The following BCAS3 variants were observed in gnomAD, a reference collection of about 807,000 sequenced individuals.
BCAS3 encodes the protein BCAS4/BCAS3 fusion.
A neutral mutation model predicts 116.1 loss-of-function variants in BCAS3; 53 were observed. The ratio of observed to expected loss-of-function variants is 0.46; its 90% CI spans 0.37 to 0.57. BCAS3 has a LOEUF of 0.57. Among genes scored for constraint, BCAS3 ranks in the 20% least tolerant of loss-of-function variants. The pLI, the probability that BCAS3 is intolerant of heterozygous loss-of-function variation, is 0.00. For synonymous variants in BCAS3, 391 were observed against 408.2 expected (o/e 0.96, Z 0.51); for missense variants, 917 against 1,165.4 (o/e 0.79, Z 3.10).
rs908155271 is a variant in BCAS3, at chr17:61,309,466, C to T, written c.2426-58861C>T. Among the ~76,000 whole-genome samples the T allele has an allele frequency of 6.6e-6, 1 of 152,092 alleles. No homozygotes were observed. The highest frequency in any genetic ancestry group is 1.5e-5 in the Non-Finnish European group (1 of 68,028). ...CCACCGACAGGGGCATAACTGTGGA[C>T]CTAAAGTGGACATCAGAGGGGTCCC... On this transcript the variant is annotated intron_variant, in intron 22 of 23. Transcript: ENST00000407086. This position sits in a 1 kb window ranked among gnomAD's most constrained non-coding sequence, Gnocchi z 4.6.
At chr17:60,768,920 A>G (rs1462456598) in intron 6 of BCAS3, among the ~76,000 whole-genome samples, 3 of 152,182 alleles carry the variant, frequency 2.0e-5, no homozygotes, top group Non-Finnish European at 4.4e-5. Flanking sequence ...ATGAGTGGCA[A>G]TAGCAGGGGT....
intron 13 of BCAS3, among the ~76,000 whole-genome samples, chr17:60,932,767 A>AAAAAAT (rs2059724673): frequency 6.7e-6 from 1 of 148,802 alleles, no homozygotes; most frequent in Non-Finnish European, 1.5e-5. Flanking sequence ...AAAAAAAAAA[A>AAAAAAT]GAATCGTCTC....
In BCAS3 at chr17:61,249,966, G is replaced by A. The variant is rs567377738; in HGVS notation, c.2426-118361G>A. The stretch of plus-strand genomic sequence containing the variant: ...TACAAATCAGAAATTGAATGAGGCA[G>A]GCTTAAAGAGGATCAGAAAACAAGA... On this transcript the variant is annotated intron_variant, in intron 22 of 23. Transcript: ENST00000407086. This position sits in a 1 kb window ranked among gnomAD's most constrained non-coding sequence, Gnocchi z 6.2. 6.6e-5 allele frequency among the ~76,000 whole-genome samples: 10 copies of A among 152,250 alleles called. No individual in the cohort carries two copies. In the South Asian group the frequency reaches 1.9e-3, roughly 28 times the overall value.
chr17:61,045,915 AT>A (rs1479305942), intron 19 of BCAS3, among the ~76,000 whole-genome samples: 23 of 25,212 alleles, frequency 9.1e-4, no homozygotes, highest in Non-Finnish European at 1.2e-3. Context: ...ATATATATTT[AT>A]ATATATAATA....
At chr17:61,207,087 C>G (rs1056005874) in intron 22 of BCAS3, among the ~76,000 whole-genome samples, 2 of 152,042 alleles carry the variant, frequency 1.3e-5, no homozygotes, top group African/African-American at 4.8e-5. Flanking sequence ...TTCTTAGCAC[C>G]TTTTCGAAGT....
At chr17:61,033,184 C>T (rs1277956914) in intron 16 of BCAS3, among the ~76,000 whole-genome samples, 2 of 152,116 alleles carry the variant, frequency 1.3e-5, no homozygotes, top group African/African-American at 4.8e-5. Flanking sequence ...GGGAACTTTA[C>T]CTGCTTTGTC....
At chr17:60,855,494 G>A (rs1304761544) in intron 7 of BCAS3, among the ~76,000 whole-genome samples, 14 of 133,062 alleles carry the variant, frequency 1.1e-4, no homozygotes, top group African/African-American at 1.8e-4. Context: ...TTGCTCTGTC[G>A]CCCAGGCTGG....
In BCAS3 at chr17:61,124,369, C is replaced by G. The variant is rs1281496094; in HGVS notation, c.2425+39805C>G. Among the ~76,000 whole-genome samples the G allele has an allele frequency of 2.0e-5, 3 of 151,824 alleles. No homozygotes were observed. Among genetic ancestry groups the G allele is most frequent in the Non-Finnish European group, 2.9e-5 (2 of 67,946 alleles). On this transcript the variant is annotated intron_variant, in intron 22 of 23. Coordinates refer to ENST00000407086, the MANE Select transcript of BCAS3 (RefSeq NM_017679.5). This position sits in a 1 kb window ranked among gnomAD's most constrained non-coding sequence, Gnocchi z 4.6. Reference sequence around the variant, plus strand: ...TAGCTTTTACTTGATCTGAATTTGTCAGTCTATAAAAGTAGGGATTATAAT... The same window carrying G: ...TAGCTTTTACTTGATCTGAATTTGTGAGTCTATAAAAGTAGGGATTATAAT...
At chr17:60,847,816 C>A (rs2052667645) in intron 7 of BCAS3, among the ~76,000 whole-genome samples, 1 of 151,960 alleles carries the variant, frequency 6.6e-6, no homozygotes, top group Non-Finnish European at 1.5e-5. Context: ...TAATAATGTC[C>A]TTTGTTCCAC....
chr17:60,936,473 C>G (rs577493305), intron 13 of BCAS3, among the ~76,000 whole-genome samples: 2 of 152,158 alleles, frequency 1.3e-5, no homozygotes, highest in Middle Eastern at 3.4e-3. Flanking sequence ...ACAGTCCCAC[C>G]AACAGTGTAA....
intron 15 of BCAS3, among the ~76,000 whole-genome samples, chr17:61,003,256 T>C (rs2064388560): frequency 6.6e-6 from 1 of 151,970 alleles, no homozygotes; most frequent in Non-Finnish European, 1.5e-5. Flanking sequence ...CTTTTTAATA[T>C]GATTTTCTTT....
intron 12 of BCAS3, 45 bp downstream of exon 12, chr17:60,910,747 A>T (rs1310938366): frequency 1.3e-6 from 2 of 1,512,446 alleles, no homozygotes; most frequent in South Asian, 1.3e-5. Flanking sequence ...ACTTGCAAAG[A>T]TGGGGCTAAG....
intron 22 of BCAS3, among the ~76,000 whole-genome samples, chr17:61,311,516 A>G (rs771758466): frequency 7.2e-5 from 11 of 152,176 alleles, no homozygotes; most frequent in Admixed American, 6.5e-4. Context: ...CATGTTATTC[A>G]GTGTTTGGAG....
intron 15 of BCAS3, among the ~76,000 whole-genome samples, chr17:61,010,187 A>C (rs910426256): frequency 6.6e-6 from 1 of 150,680 alleles, no homozygotes; most frequent in Admixed American, 6.7e-5. Flanking sequence ...AACAAAGCCC[A>C]TTGTTATTTT....
chr17:60,844,060 C>T (rs946088296), intron 7 of BCAS3, among the ~76,000 whole-genome samples: 2 of 152,148 alleles, frequency 1.3e-5, no homozygotes, highest in Admixed American at 6.5e-5. Context: ...ACCTCTGCCT[C>T]CTGGGTTCAA....
chr17:60,948,403 C>A (rs2060642450), intron 14 of BCAS3, among the ~76,000 whole-genome samples: 1 of 152,178 alleles, frequency 6.6e-6, no homozygotes, highest in Non-Finnish European at 1.5e-5. Flanking sequence ...GGATTATAGG[C>A]ATGAGCCACC....
At chr17:61,246,790 AGAGTGT>A (rs1324898510) in intron 22 of BCAS3, among the ~76,000 whole-genome samples, 5 of 88,380 alleles carry the variant, frequency 5.7e-5, no homozygotes, top group African/African-American at 8.5e-5. Flanking sequence ...CCTTTGAGTG[AGAGTGT>A]GTGTGTGTGT....
rs746411845 is a variant in BCAS3, at chr17:61,343,684, A to G, written c.2426-24643A>G. Among the ~76,000 whole-genome samples the G allele has an allele frequency of 2.0e-5, 3 of 152,214 alleles. No individual in the cohort carries two copies. The highest frequency in any genetic ancestry group is 4.4e-5 in the Non-Finnish European group (3 of 68,046). On this transcript the variant is annotated intron_variant, in intron 22 of 23. Transcript: ENST00000407086. The surrounding 1 kb of genome is among the most constrained non-coding windows in gnomAD (Gnocchi z 5.5). ...CTCTGCCACCTCTGAGTGTGATCAGATGTCTCTCCTGTCAGATTCCCTTTC... is the reference window on the plus strand; with the variant it reads ...CTCTGCCACCTCTGAGTGTGATCAGGTGTCTCTCCTGTCAGATTCCCTTTC...
chr17:61,046,183 G>A (rs899567927), intron 19 of BCAS3, among the ~76,000 whole-genome samples: 2 of 124,836 alleles, frequency 1.6e-5, no homozygotes, highest in Non-Finnish European at 1.6e-5. Flanking sequence ...CTTTCTGCAA[G>A]TTAGAGCCAT....
Sources: gnomAD v4.1 joint callset for allele counts (sites outside exome capture counted in the v4.1 genomes callset) on GRCh38, gnomAD v4.1.1 for gene constraint, Gnocchi (gnomAD v3.1) non-coding constraint, MANE v1.5 for transcripts, NCBI Gene and HGNC (gene_info 2026-07-23, HGNC 2026-07-21) for gene names.